RXFP2: variants seen among roughly 807,000 people sequenced by gnomAD.
The protein encoded by RXFP2 is relaxin family peptide receptor 2.
RXFP2 carries 68 observed loss-of-function variants against 88.6 expected under a neutral mutation model. That is an observed-to-expected ratio of 0.77 (90% confidence interval 0.63 to 0.94). The LOEUF is 0.94. RXFP2 is among the 40% of genes least tolerant of loss of function. RXFP2 has a pLI of 0.00. For synonymous variants in RXFP2, 329 were observed against 306.8 expected, an observed-to-expected ratio of 1.07 and a Z score of -0.76; for missense variants, 791 against 893.9, an observed-to-expected ratio of 0.88 and a Z score of 1.47.
At chr13:31,798,554 C>T (rs1049894169) in intron 17 of RXFP2, among the ~76,000 whole-genome samples, 4 of 152,198 alleles carry the variant, frequency 2.6e-5, no homozygotes, top group African/African-American at 9.7e-5. Context: ...GATGAACAGC[C>T]TCCAATCTAT....
intron 11 of RXFP2, among the ~76,000 whole-genome samples, chr13:31,783,160 A>AATTT (rs1873367257): frequency 6.6e-6 from 1 of 152,248 alleles, no homozygotes; most frequent in South Asian, 2.1e-4. Flanking sequence ...AAATATGCTT[A>AATTT]CTAGTCCTTG....
At position 31,797,203 on chromosome 13, in the gene RXFP2, G is replaced by T; in HGVS notation, c.1789G>T (p.Val597Leu). The change falls in exon 17 of 18, where the codon GTG becomes TTG. Residue 597 changes from valine (V) to leucine (L), a missense_variant and splice_region_variant. Physicochemically the swap from Val to Leu is conservative, Grantham distance 32 (BLOSUM62 1). Coordinates refer to ENST00000298386, the MANE Select transcript of RXFP2 (RefSeq NM_130806.5). ...KGYSLGIFLG[V>L]NLLAFLIIVF... ...TAAAAGTGTGCTTTTCCCAACAGGT[G>T]TGAACTTGCTGGCTTTTCTCATCAT... 1 of 1,608,200 alleles carries T rather than the reference G, an allele frequency of 6.2e-7. No homozygotes were observed. Among genetic ancestry groups the T allele is most frequent in the Non-Finnish European group, 8.5e-7 (1 of 1,174,632 alleles).
chr13:31,781,843 C>A, intron 10 of RXFP2, 101 bp downstream of exon 10: 1 of 875,030 alleles, frequency 1.1e-6, no homozygotes, highest in Non-Finnish European at 1.9e-6. Context: ...GTTTTGTTTA[C>A]AGCCTTGGTC....
chr13:31,775,337 A>C lies in RXFP2; in HGVS notation c.589A>C (p.Ile197Leu). 1 of 1,613,784 alleles carries C rather than the reference A, an allele frequency of 6.2e-7. No individual in the cohort carries two copies. The highest frequency in any genetic ancestry group is 8.5e-7 in the Non-Finnish European group (1 of 1,179,716). Residue 197 changes from isoleucine (I) to leucine (L), a missense_variant, in exon 7 of 18, where the codon ATC becomes CTC. By Grantham distance (5) the Ile-to-Leu change is conservative. Transcript: ENST00000298386. Reference sequence around the variant, plus strand: ...TTGTAGATATCTCAACCACAACTGCATCACAACCCTCAGACCTGGAATATT... The same window carrying C: ...TTGTAGATATCTCAACCACAACTGCCTCACAACCCTCAGACCTGGAATATT... ...LQILYLNHNC[I>L]TTLRPGIFKD...
chr13:31,774,508 C>T (rs961323431), intron 5 of RXFP2, 112 bp from the exon 6 acceptor site: 7 of 735,642 alleles, frequency 9.5e-6, no homozygotes, highest in African/African-American at 8.6e-5. Flanking sequence ...AATAGGACTT[C>T]GTACTTCAAT....
intron 11 of RXFP2, among the ~76,000 whole-genome samples, chr13:31,784,391 G>A (rs6563804): frequency 0.6 from 91,572 of 151,914 alleles, 27,770 homozygotes; most frequent in East Asian, 0.77. Context: ...ATGTTAAGTA[G>A]TTTTACTGTG....
At chr13:31,774,783 G>A (rs1872870860) in intron 6 of RXFP2, 92 bp downstream of exon 6, 4 of 775,404 alleles carry the variant, frequency 5.2e-6, no homozygotes, top group Non-Finnish European at 7.0e-6. Context: ...CTTGATTGTA[G>A]GGAAGTGGGA....
intron 16 of RXFP2, among the ~76,000 whole-genome samples, chr13:31,795,903 C>A (rs61946590): frequency 0.14 from 20,875 of 151,570 alleles, 1,424 homozygotes; most frequent in East Asian, 0.19. Flanking sequence ...AAGAATAATT[C>A]ACATAGTTGA....
At chr13:31,752,720 C>T (rs1426709849) in intron 1 of RXFP2, among the ~76,000 whole-genome samples, 1 of 152,162 alleles carries the variant, frequency 6.6e-6, no homozygotes, top group Non-Finnish European at 1.5e-5. Flanking sequence ...GGGGCAGGCT[C>T]TGGCCAGGTG....
chr13:31,792,799 G>T lies in RXFP2; in HGVS notation c.1497G>T (p.Gly499=), dbSNP rs371720092. 3.0e-5 allele frequency: 48 copies of T among 1,614,026 alleles called. No individual in the cohort carries two copies. The highest frequency in any genetic ancestry group is 4.1e-5 in the Non-Finnish European group (48 of 1,180,054). Residue 499 remains glycine (G), a synonymous_variant, in exon 16 of 18, where the codon GGG becomes GGT. Coordinates refer to ENST00000298386, the MANE Select transcript of RXFP2 (RefSeq NM_130806.5). Reference sequence around the variant, plus strand: ...AGAGCGTGCAGTGCCGCCTCATGGGGTTCCTGGCCATGCTGTCCACCGAAG... The same window carrying T: ...AGAGCGTGCAGTGCCGCCTCATGGGTTTCCTGGCCATGCTGTCCACCGAAG... ...WMESVQCRLM[G]FLAMLSTEVS...
chr13:31,753,969 G>T (rs1871799450), intron 1 of RXFP2, among the ~76,000 whole-genome samples: 1 of 152,150 alleles, frequency 6.6e-6, no homozygotes, highest in South Asian at 2.1e-4. Flanking sequence ...CATAAAATTT[G>T]TGCTTTGAAA....
chr13:31,753,083 C>A (rs777797180), intron 1 of RXFP2, among the ~76,000 whole-genome samples: 5 of 152,178 alleles, frequency 3.3e-5, no homozygotes, highest in Non-Finnish European at 7.3e-5. Context: ...CCTATACCCC[C>A]CTGGAGCCAT....
At chr13:31,794,708 G>A (rs1873948518) in intron 16 of RXFP2, among the ~76,000 whole-genome samples, 2 of 152,164 alleles carry the variant, frequency 1.3e-5, no homozygotes, top group Non-Finnish European at 2.9e-5. Context: ...CGAAGGCAGA[G>A]GAGGGTGGGG....
chr13:31,784,361 CAT>C (rs1472328806), intron 11 of RXFP2, among the ~76,000 whole-genome samples: 1 of 152,140 alleles, frequency 6.6e-6, no homozygotes, highest in Admixed American at 6.5e-5. Context: ...ACAAGGCATT[CAT>C]ATGTCTTGAG....
At chr13:31,753,929 A>T (rs1228582623) in intron 1 of RXFP2, among the ~76,000 whole-genome samples, 1 of 152,148 alleles carries the variant, frequency 6.6e-6, no homozygotes, top group African/African-American at 2.4e-5. Flanking sequence ...AAGGGTGGGG[A>T]ATACATTGTA....
chr13:31,745,857 T>G (rs9548936), intron 1 of RXFP2, among the ~76,000 whole-genome samples: 1 of 151,968 alleles, frequency 6.6e-6, no homozygotes, highest in Non-Finnish European at 1.5e-5. Flanking sequence ...TTTTCAAAGA[T>G]TGGATATGGG....
At chr13:31,751,958 G>C (rs772131592) in intron 1 of RXFP2, among the ~76,000 whole-genome samples, 4 of 152,178 alleles carry the variant, frequency 2.6e-5, no homozygotes, top group Non-Finnish European at 2.9e-5. Flanking sequence ...TAAAGGTGGA[G>C]TTTTGGCAGT....
At chr13:31,790,379 AAGG>A (rs1352182696) in intron 14 of RXFP2, among the ~76,000 whole-genome samples, 1 of 152,190 alleles carries the variant, frequency 6.6e-6, no homozygotes, top group Admixed American at 6.5e-5. Context: ...GACTCCAGGG[AAGG>A]AGAAGAAAAG....
chr13:31,779,207 G>A lies in RXFP2; in HGVS notation c.785+624G>A, dbSNP rs186503763. On this transcript the variant is annotated intron_variant, in intron 9 of 17. Transcript: ENST00000298386. ...GTGGTGCGATCTCGGCTCACTGCAA[G>A]CTCTGTCTCCTGGGTTCAAGTGATT... 2.9e-4 allele frequency among the ~76,000 whole-genome samples: 44 copies of A among 149,974 alleles called. No individual in the cohort carries two copies. The South Asian group carries it at 6.1e-3, about 21-fold the overall frequency.
Sources: gnomAD v4.1 joint callset for allele counts (sites outside exome capture counted in the v4.1 genomes callset) on GRCh38, gnomAD v4.1.1 for gene constraint, MANE v1.5 for transcripts, NCBI Gene and HGNC (gene_info 2026-07-23, HGNC 2026-07-21) for gene names.